The following FILIP1 variants were observed in gnomAD, a reference collection of about 807,000 sequenced individuals.
FILIP1 encodes the protein filamin-A-interacting protein 1.
In FILIP1, 61 loss-of-function variants were observed where a neutral mutation model predicts 102.1. The observed-to-expected ratio is 0.60, with a 90% CI of 0.49 to 0.74. The LOEUF is 0.74. Among genes scored for constraint, FILIP1 ranks in the 30% least tolerant of loss-of-function variants. FILIP1 has a pLI of 0.00. For missense variants in FILIP1, 1,314 were observed against 1,441.2 expected, an observed-to-expected ratio of 0.91 and a Z score of 1.43; for synonymous variants, 491 against 526.9, an observed-to-expected ratio of 0.93 and a Z score of 0.93.
chr6:75,350,406 T>G (rs1280084099), intron 4 of FILIP1, among the ~76,000 whole-genome samples: 2 of 151,480 alleles, frequency 1.3e-5, no homozygotes, highest in African/African-American at 2.4e-5. Flanking sequence ...TAAAGTTTTT[T>G]TTTTTTTTTT....
intron 2 of FILIP1, among the ~76,000 whole-genome samples, chr6:75,400,857 A>G (rs930172964): frequency 6.6e-6 from 1 of 152,154 alleles, no homozygotes; most frequent in Non-Finnish European, 1.5e-5. Flanking sequence ...CAATGAACAG[A>G]GTATTTTTGT....
At chr6:75,458,070 T>C (rs1283611754) in intron 1 of FILIP1, 2 of 152,240 alleles carry the variant, frequency 1.3e-5, no homozygotes, top group Non-Finnish European at 2.9e-5. Context: ...AGCAAGTTTT[T>C]AGTATAAATA....
At chr6:75,438,486 G>C (rs1778097364) in intron 1 of FILIP1, among the ~76,000 whole-genome samples, 1 of 152,086 alleles carries the variant, frequency 6.6e-6, no homozygotes, top group Non-Finnish European at 1.5e-5. Context: ...TTATAGCTTT[G>C]GTGTAACTGC....
chr6:75,308,470 C>T lies in FILIP1; in HGVS notation c.*221G>A. ...AGCAAAACTGGAACTAGAAACCACG[C>T]CCTGGCTTCTAGGCAGCAAGCAATA... On this transcript the variant is annotated 3_prime_UTR_variant, in exon 6 of 6. Coordinates refer to ENST00000237172, the MANE Select transcript of FILIP1 (RefSeq NM_015687.5). The T allele has an allele frequency of 7.3e-7, 1 of 1,369,368 alleles. No homozygotes were observed. Among genetic ancestry groups the T allele is most frequent in the South Asian group, 1.6e-5 (1 of 64,150 alleles). The allele number at this position is 1,369,368 out of a possible 1,614,324, so 84.8% of individuals were successfully genotyped here. A position where few individuals can be genotyped will look rare whatever the true frequency, so the allele number is the denominator to read the frequency against.
intron 1 of FILIP1, among the ~76,000 whole-genome samples, chr6:75,490,274 C>A (rs775168875): frequency 1.4e-4 from 22 of 152,056 alleles, no homozygotes; most frequent in Non-Finnish European, 3.2e-4. Flanking sequence ...GAGTAAGTTT[C>A]ATCACTTTGA....
At chr6:75,298,563 G>A (rs915147445) in intron 6 of FILIP1, among the ~76,000 whole-genome samples, 10 of 152,114 alleles carry the variant, frequency 6.6e-5, no homozygotes, top group African/African-American at 2.4e-4. Context: ...CCAAGTCTCT[G>A]CTGAACTTAC....
Position 75,313,930 on chromosome 6 carries a change from A to C in FILIP1, c.1902T>G (p.Leu634=). 2.5e-6 allele frequency: 4 copies of C among 1,613,124 alleles called. No homozygotes were observed. Among genetic ancestry groups the C allele is most frequent in the Non-Finnish European group, 3.4e-6 (4 of 1,179,720 alleles). ...PEDNKIKELT[L]EIERLKKRLQ... is the part of the protein sequence containing the mutation. ...GACGTTTCTTCAGTCTCTCAATTTC[A>C]AGTGTTAGTTCCTTAATCTTATTAT... Residue 634 remains leucine (L), a synonymous_variant, in exon 5 of 6, where the codon CTT becomes CTG. Transcript: ENST00000237172. The surrounding 1 kb of genome is among the most constrained non-coding windows in gnomAD (Gnocchi z 4.2).
intron 4 of FILIP1, among the ~76,000 whole-genome samples, chr6:75,344,474 A>G (rs557257506): frequency 6.6e-6 from 1 of 152,372 alleles, no homozygotes; most frequent in South Asian, 2.1e-4. Context: ...ATAAGAATGG[A>G]CAACACTGGG....
intron 1 of FILIP1, among the ~76,000 whole-genome samples, chr6:75,476,525 C>T (rs546237242): frequency 4.1e-4 from 63 of 152,290 alleles, no homozygotes; most frequent in African/African-American, 1.4e-3. Flanking sequence ...AGTAATTAAA[C>T]ATCAATATTA....
At position 75,493,451 on chromosome 6, in the gene FILIP1, T is replaced by C. The variant is rs1205242257; in HGVS notation, c.-44A>G. 6.6e-6 allele frequency: 1 copy of C among 152,218 alleles called. No homozygotes were observed. Among genetic ancestry groups the C allele is most frequent in the Non-Finnish European group, 1.5e-5 (1 of 68,038 alleles). 9.4% of individuals were successfully genotyped at this position (152,218 alleles called of 1,614,324 possible). On this transcript the variant is annotated 5_prime_UTR_variant, in exon 1 of 6. Transcript: ENST00000237172. ...CCTTTAACCAAAGGTATGTCCTCTA[T>C]GTAGGTAGTTTATCCTTTGAAGAAC...
chr6:75,492,312 G>A (rs981814019), intron 1 of FILIP1, among the ~76,000 whole-genome samples: 1 of 152,226 alleles, frequency 6.6e-6, no homozygotes, highest in African/African-American at 2.4e-5. Context: ...CAAATAATAT[G>A]TTAAAAACTG....
At chr6:75,475,705 A>C (rs1335805096) in intron 1 of FILIP1, among the ~76,000 whole-genome samples, 1 of 152,124 alleles carries the variant, frequency 6.6e-6, no homozygotes, top group Non-Finnish European at 1.5e-5. Context: ...TTCTGTAAAA[A>C]CCTACATAGC....
intron 1 of FILIP1, among the ~76,000 whole-genome samples, chr6:75,473,501 G>C (rs1249831513): frequency 6.6e-6 from 1 of 151,616 alleles, no homozygotes; most frequent in Non-Finnish European, 1.5e-5. Context: ...CATCAGATCA[G>C]AAATTACTCT....
At chr6:75,423,960 G>A (rs185270977) in intron 1 of FILIP1, among the ~76,000 whole-genome samples, 1 of 152,266 alleles carries the variant, frequency 6.6e-6, no homozygotes, top group Non-Finnish European at 1.5e-5. Flanking sequence ...ATGTGTTTGA[G>A]CTTAGTTTTA....
chr6:75,311,830 C>T (rs183830732), intron 5 of FILIP1, among the ~76,000 whole-genome samples: 204 of 152,256 alleles, frequency 1.3e-3, no homozygotes, highest in African/African-American at 4.8e-3. Flanking sequence ...TTATGAAGCA[C>T]GTGCTGTCTG....
chr6:75,421,694 T>A (rs1356917022), intron 1 of FILIP1, among the ~76,000 whole-genome samples: 1 of 152,308 alleles, frequency 6.6e-6, no homozygotes, highest in East Asian at 1.9e-4. Flanking sequence ...GGCTTAGTAA[T>A]ACTGTCTAGC....
intron 1 of FILIP1, among the ~76,000 whole-genome samples, chr6:75,484,660 T>G (rs1016807529): frequency 3.9e-5 from 6 of 152,178 alleles, no homozygotes; most frequent in Admixed American, 2.0e-4. Context: ...CAGAGAGTGT[T>G]GAGAGCCACA....
Position 75,419,046 on chromosome 6 carries a change from T to C in FILIP1, c.-6-4068A>G, listed in dbSNP as rs895492438. Among the ~76,000 whole-genome samples the C allele has an allele frequency of 9.2e-5, 14 of 151,840 alleles. 1 individual carries two copies. Among genetic ancestry groups the C allele is most frequent in the South Asian group, 4.2e-4 (2 of 4,814 alleles). ...GACAATGCCAGAGCATACTGTCAGA[T>C]GAAAAATATCACAGGAATAAGCAAA... is the stretch of plus-strand genomic sequence containing the variant. On this transcript the variant is annotated intron_variant, in intron 1 of 5. Transcript: ENST00000237172.
chr6:75,471,698 G>A (rs548376852), intron 1 of FILIP1, among the ~76,000 whole-genome samples: 3 of 152,202 alleles, frequency 2.0e-5, no homozygotes, highest in East Asian at 1.9e-4. Flanking sequence ...CAGGAATGGC[G>A]AAAGAAATAA....
Sources: allele counts gnomAD v4.1 joint callset (sites outside exome capture counted in the v4.1 genomes callset), GRCh38; gene constraint gnomAD v4.1.1; non-coding constraint Gnocchi (gnomAD v3.1); transcripts MANE v1.5; gene names NCBI Gene and HGNC (gene_info 2026-07-23, HGNC 2026-07-21).